CLIC5: variants seen among roughly 807,000 people sequenced by gnomAD.
CLIC5 encodes the protein chloride intracellular channel protein 5.
A neutral mutation model predicts 24.7 loss-of-function variants in CLIC5; 20 were observed. The observed-to-expected ratio is 0.81, with a 90% confidence interval of 0.57 to 1.18. The LOEUF is 1.18. Among genes scored for constraint, CLIC5 ranks in the 50% most tolerant of loss-of-function variants. CLIC5 has a pLI of 0.00. For synonymous variants in CLIC5, 159 were observed against 135.6 expected, an observed-to-expected ratio of 1.17 and a Z score of -1.20; for missense variants, 341 against 326.1, an observed-to-expected ratio of 1.05 and a Z score of -0.35.
At chr6:46,072,439 G>A (rs1468481581) in intron 1 of CLIC5, among the ~76,000 whole-genome samples, 1 of 152,038 alleles carries the variant, frequency 6.6e-6, no homozygotes. Context: ...AAGTAAAGGA[G>A]AAATGCAAAT....
intron 1 of CLIC5, among the ~76,000 whole-genome samples, chr6:45,976,935 A>G (rs1250556714): frequency 1.3e-5 from 2 of 152,212 alleles, no homozygotes; most frequent in Non-Finnish European, 2.9e-5. Flanking sequence ...TGCAATGTGC[A>G]TATTGTCTTC....
At chr6:46,030,253 A>T (rs1174544367) in intron 1 of CLIC5, among the ~76,000 whole-genome samples, 1 of 152,072 alleles carries the variant, frequency 6.6e-6, no homozygotes, top group Non-Finnish European at 1.5e-5. Flanking sequence ...ATTGTCATAG[A>T]TCCTATCACT....
At chr6:46,100,961 G>T in the CLIC5 span, among the ~76,000 whole-genome samples, 1 of 152,156 alleles carries the variant, frequency 6.6e-6, no homozygotes, top group Non-Finnish European at 1.5e-5. Context: ...TGAAAATCAG[G>T]TGATGGTGGC....
chr6:46,050,774 T>A (rs1351907841), intron 1 of CLIC5, among the ~76,000 whole-genome samples: 1 of 152,142 alleles, frequency 6.6e-6, no homozygotes, highest in African/African-American at 2.4e-5. Flanking sequence ...GGTCCTCTTT[T>A]TTTCTTGGCG....
At chr6:46,121,305 C>A in the CLIC5 span, among the ~76,000 whole-genome samples, 1 of 152,158 alleles carries the variant, frequency 6.6e-6, no homozygotes, top group Non-Finnish European at 1.5e-5. Context: ...GAATTTTCAA[C>A]CCAGAATTTC....
chr6:46,052,462 G>C (rs1237888206), intron 1 of CLIC5, among the ~76,000 whole-genome samples: 3 of 152,236 alleles, frequency 2.0e-5, no homozygotes, highest in Admixed American at 6.5e-5. Flanking sequence ...CAAACTTCTG[G>C]AAGAGAGAAG....
chr6:45,984,053 A>G (rs1765652014), intron 1 of CLIC5, among the ~76,000 whole-genome samples: 1 of 152,238 alleles, frequency 6.6e-6, no homozygotes, highest in Non-Finnish European at 1.5e-5. Context: ...AGAGATGAAT[A>G]GAACCTAGGC....
chr6:46,106,590 A>G, the CLIC5 span, among the ~76,000 whole-genome samples: 1 of 152,170 alleles, frequency 6.6e-6, no homozygotes, highest in South Asian at 2.1e-4. Context: ...CACCTATTCA[A>G]ATAGATTGGT....
At chr6:45,951,201 A>G (rs1033426243) in intron 2 of CLIC5, among the ~76,000 whole-genome samples, 1 of 152,208 alleles carries the variant, frequency 6.6e-6, no homozygotes, top group Non-Finnish European at 1.5e-5. Flanking sequence ...TCAGACACTT[A>G]AAGAAATCCA....
In CLIC5 at chr6:45,974,172, T is replaced by C. The variant is rs141620748; in HGVS notation, c.64-18928A>G. ...GAGAGGAGAAATATATATAGTTTTATATATAAAACCACCAGGCTGGGAATC... is the reference window on the plus strand; with the variant it reads ...GAGAGGAGAAATATATATAGTTTTACATATAAAACCACCAGGCTGGGAATC... On this transcript the variant is annotated intron_variant, in intron 1 of 5. Transcript: ENST00000339561. Among the ~76,000 whole-genome samples the C allele has an allele frequency of 2.8e-3, 430 of 152,028 alleles. 1 individual carries two copies. The highest frequency in any genetic ancestry group is 9.2e-3 in the African/African-American group (382 of 41,452).
At chr6:46,124,208 C>T in the CLIC5 span, among the ~76,000 whole-genome samples, 13 of 152,206 alleles carry the variant, frequency 8.5e-5, no homozygotes, top group African/African-American at 3.1e-4. Flanking sequence ...GTAACCAAAA[C>T]AGCATGGCAC....
At chr6:46,004,205 TGA>T (rs1178955463) in intron 1 of CLIC5, among the ~76,000 whole-genome samples, 2 of 152,086 alleles carry the variant, frequency 1.3e-5, no homozygotes, top group East Asian at 3.9e-4. Flanking sequence ...CAACAGGAGG[TGA>T]GAGAGGCTGC....
chr6:45,886,970 C>T (rs942722430), intron 6 of CLIC5, among the ~76,000 whole-genome samples: 1 of 152,188 alleles, frequency 6.6e-6, no homozygotes, highest in African/African-American at 2.4e-5. Context: ...CTAGATGATG[C>T]CAGAGAGGGG....
intron 4 of CLIC5, chr6:45,919,137 T>C (rs1763149559): frequency 1.0e-6 from 1 of 980,182 alleles, no homozygotes; most frequent in East Asian, 1.1e-4. Context: ...TCTGATGTAA[T>C]CATCTAAATA....
chr6:46,097,782 G>A, the CLIC5 span, among the ~76,000 whole-genome samples: 1 of 152,138 alleles, frequency 6.6e-6, no homozygotes, highest in Non-Finnish European at 1.5e-5. Context: ...CTCTATATCG[G>A]TATCTCTAGT....
intron 1 of CLIC5, among the ~76,000 whole-genome samples, chr6:46,026,048 G>C (rs1459117090): frequency 1.3e-5 from 2 of 152,100 alleles, no homozygotes; most frequent in African/African-American, 4.8e-5. Flanking sequence ...TATGAGAACG[G>C]ACTGATATAG....
rs190964869 is a variant in CLIC5 at position 45,962,923 on chromosome 6, C to T, written c.64-7679G>A. ...TTTAGCCTGCCTTGAGCTTTACGTC[C>T]ATCTGCCACTGAGTGTATGTTCACC... is the stretch of plus-strand genomic sequence containing the variant. On this transcript the variant is annotated intron_variant, in intron 1 of 5. Coordinates refer to ENST00000339561, the MANE Select transcript of CLIC5 (RefSeq NM_016929.5). Among the ~76,000 whole-genome samples the T allele has an allele frequency of 1.1e-4, 16 of 152,268 alleles. No homozygotes were observed. In the East Asian group the frequency reaches 2.9e-3, roughly 28 times the overall value.
chr6:45,916,754 G>A (rs570419927), intron 4 of CLIC5, among the ~76,000 whole-genome samples: 2 of 152,326 alleles, frequency 1.3e-5, no homozygotes, highest in Non-Finnish European at 2.9e-5. Flanking sequence ...CGAGATGGAA[G>A]GCATCAAGTC....
chr6:45,939,360 T>G (rs1382261361), intron 4 of CLIC5, among the ~76,000 whole-genome samples: 1 of 151,496 alleles, frequency 6.6e-6, no homozygotes, highest in African/African-American at 2.4e-5. Flanking sequence ...ACTACAGGCA[T>G]GTGCCATCAC....
Sources: gnomAD v4.1 joint callset for allele counts (sites outside exome capture counted in the v4.1 genomes callset) on GRCh38, gnomAD v4.1.1 for gene constraint, MANE v1.5 for transcripts, NCBI Gene and HGNC (gene_info 2026-07-23, HGNC 2026-07-21) for gene names.